Variants in LCORL observed in about 807,000 individuals in gnomAD.
LCORL encodes the protein ligand-dependent nuclear receptor corepressor-like protein.
Under a neutral mutation model 141.8 loss-of-function variants are expected in LCORL, and 41 were observed. The ratio of observed to expected loss-of-function variants is 0.29; its 90% CI spans 0.23 to 0.38. The LOEUF (loss-of-function observed/expected upper bound fraction) is 0.38, where lower values mean the gene tolerates loss of function less well. LCORL is among the 10% of genes least tolerant of loss of function. The pLI is 1.00. For missense variants in LCORL, 1,759 were observed against 2,035.0 expected (o/e 0.86, Z 2.61); for synonymous variants, 618 against 694.1 (o/e 0.89, Z 1.72).
chr4:17,922,237 T>C (rs973087562), intron 4 of LCORL, among the ~76,000 whole-genome samples: 11 of 152,208 alleles, frequency 7.2e-5, no homozygotes, highest in Admixed American at 5.2e-4. Context: ...ATGGAGTTTT[T>C]AAGTTGGTTT....
intron 7 of LCORL, among the ~76,000 whole-genome samples, chr4:17,861,500 T>C (rs991132735): frequency 6.6e-6 from 1 of 152,222 alleles, no homozygotes; most frequent in Non-Finnish European, 1.5e-5. Context: ...CCTAGGCCTC[T>C]GGGCCTGTGA....
intron 1 of LCORL, among the ~76,000 whole-genome samples, chr4:17,996,948 T>C (rs548216145): frequency 2.6e-5 from 4 of 152,262 alleles, no homozygotes; most frequent in Admixed American, 1.3e-4. Context: ...CCTTCCCTGA[T>C]CTAACTCCTG....
In LCORL at chr4:17,877,043, T is replaced by C. The variant is rs191780555; in HGVS notation, c.1947A>G (p.Lys649=). The change falls in exon 7 of 8, where the codon AAA becomes AAG. Residue 649 remains lysine, a synonymous_variant. Transcript: ENST00000635767. ...TGTTTTGTGTCAATTTCCTTGAACT[T>C]TTTTCGGTGTATTTTTTTCTTGTAA... 85 of 1,230,726 alleles carry C rather than the reference T, an allele frequency of 6.9e-5. No individual in the cohort carries two copies. In the East Asian group the frequency reaches 2.4e-3, roughly 34 times the overall value. 76.2% of individuals were successfully genotyped at this position (1,230,726 alleles called of 1,614,324 possible).
chr4:17,975,893 A>T (rs980904914), intron 1 of LCORL, among the ~76,000 whole-genome samples: 5 of 152,076 alleles, frequency 3.3e-5, no homozygotes, highest in African/African-American at 1.2e-4. Flanking sequence ...GCTGATTGAT[A>T]ATGTTCTTTG....
chr4:17,896,450 A>AT (rs1047119305), intron 5 of LCORL, among the ~76,000 whole-genome samples: 9 of 151,848 alleles, frequency 5.9e-5, no homozygotes, highest in Non-Finnish European at 1.2e-4. Context: ...CACCCAGATA[A>AT]TTTTTTTGTA....
Position 17,841,684 on chromosome 4 carries a change from T to C in LCORL, c.*4204A>G, listed in dbSNP as rs1023844939. 5 of 152,080 alleles carry C rather than the reference T, an allele frequency of 3.3e-5. No individual in the cohort carries two copies. The East Asian group carries it at 5.8e-4, about 18-fold the overall frequency. The allele number at this position is 152,080 out of a possible 1,614,324, so 9.4% of individuals were successfully genotyped here. A position where few individuals can be genotyped will look rare whatever the true frequency, so the allele number is the denominator to read the frequency against. On this transcript the variant is annotated 3_prime_UTR_variant, in exon 8 of 8. Transcript: ENST00000635767. The stretch of plus-strand genomic sequence containing the variant: ...TATATTCATATTGTTTTATTCCTTA[T>C]AAATGAGAAACATCACAAGCCAAAC...
chr4:17,925,706 C>A (rs1249772242), intron 4 of LCORL, among the ~76,000 whole-genome samples: 1 of 151,772 alleles, frequency 6.6e-6, no homozygotes, highest in East Asian at 1.9e-4. Flanking sequence ...CCCGTCTCTA[C>A]TAAAAATACA....
chr4:17,986,700 G>A (rs1283076355), intron 1 of LCORL, among the ~76,000 whole-genome samples: 1 of 151,800 alleles, frequency 6.6e-6, no homozygotes, highest in Non-Finnish European at 1.5e-5. Context: ...TCTGTTGATT[G>A]GGTCTTGCTG....
exon 7 of LCORL, chr4:17,876,483 A>G: frequency 8.1e-7 from 1 of 1,230,854 alleles, no homozygotes; most frequent in Non-Finnish European, 1.0e-6. Context: ...ACGCTTCACA[A>G]CCACTTGTAA....
At chr4:17,881,580 G>C in intron 6 of LCORL, 1 of 978,850 alleles carries the variant, frequency 1.0e-6, no homozygotes, top group Non-Finnish European at 1.2e-6. Context: ...GAAGTCAATA[G>C]CAAAATGATC....
chr4:17,899,152 ACT>A (rs1398178804), intron 5 of LCORL, among the ~76,000 whole-genome samples: 3 of 151,610 alleles, frequency 2.0e-5, no homozygotes, highest in African/African-American at 7.3e-5. Flanking sequence ...ATTTTTTGAA[ACT>A]CTTAATAGAT....
intron 1 of LCORL, among the ~76,000 whole-genome samples, chr4:18,006,227 C>T (rs1722789859): frequency 6.6e-6 from 1 of 152,146 alleles, no homozygotes; most frequent in South Asian, 2.1e-4. Context: ...AAAAGAGTCA[C>T]CTTTGCTCCA....
At chr4:17,928,334 C>T (rs556758076) in intron 4 of LCORL, among the ~76,000 whole-genome samples, 1 of 152,142 alleles carries the variant, frequency 6.6e-6, no homozygotes, top group Non-Finnish European at 1.5e-5. Flanking sequence ...ATCACTTTAG[C>T]CCAGGCAGGC....
intron 1 of LCORL, among the ~76,000 whole-genome samples, chr4:18,008,061 T>C (rs1301793616): frequency 6.6e-6 from 1 of 152,224 alleles, no homozygotes; most frequent in Non-Finnish European, 1.5e-5. Context: ...AACAATTAGC[T>C]ATATCCTATT....
At chr4:17,932,171 C>T (rs1396467338) in intron 4 of LCORL, among the ~76,000 whole-genome samples, 1 of 152,078 alleles carries the variant, frequency 6.6e-6, no homozygotes, top group African/African-American at 2.4e-5. Flanking sequence ...TTAGGCATGT[C>T]TTGTCAATAT....
At chr4:17,870,832 C>T (rs1359654563) in intron 7 of LCORL, among the ~76,000 whole-genome samples, 1 of 152,146 alleles carries the variant, frequency 6.6e-6, no homozygotes, top group Non-Finnish European at 1.5e-5. Context: ...TGCCTCCTTT[C>T]CATGTGCACA....
At chr4:18,013,096 T>A (rs1231954014) in intron 1 of LCORL, among the ~76,000 whole-genome samples, 1 of 152,118 alleles carries the variant, frequency 6.6e-6, no homozygotes, top group Non-Finnish European at 1.5e-5. Context: ...AATGTACACT[T>A]CCCTGTTTCA....
chr4:18,021,700 C>T lies in LCORL; in HGVS notation c.52G>A (p.Ala18Thr). 12 of 1,530,120 alleles carry T rather than the reference C, an allele frequency of 7.8e-6. No individual in the cohort carries two copies. Among genetic ancestry groups the T allele is most frequent in the East Asian group, 2.5e-5 (1 of 39,874 alleles). 94.8% of individuals were successfully genotyped at this position (1,530,120 alleles called of 1,614,324 possible). A position where few individuals can be genotyped will look rare whatever the true frequency, so the allele number is the denominator to read the frequency against. The change falls in exon 1 of 8, where the codon GCC becomes ACC. Residue 18 changes from alanine to threonine, a missense_variant. Around this residue, in one of 5 missense-constraint regions of LCORL, gnomAD observed 86 missense variants for 61.8 expected, o/e 1.39. Transcript: ENST00000635767. This position sits in a 1 kb window ranked among gnomAD's most constrained non-coding sequence, Gnocchi z 5.5. ...CTCCGGCACTGAGCGGCGGCGGCGG[C>T]GGCGGCAGCAGCGGCGGCGGCAGCG... is the stretch of plus-strand genomic sequence containing the variant.
intron 1 of LCORL, among the ~76,000 whole-genome samples, chr4:17,980,282 A>G (rs1490294557): frequency 6.6e-6 from 1 of 152,218 alleles, no homozygotes; most frequent in African/African-American, 2.4e-5. Flanking sequence ...TGGCAAATTC[A>G]ATATTTGATA....
Sources: allele counts gnomAD v4.1 joint callset (sites outside exome capture counted in the v4.1 genomes callset), GRCh38; gene constraint gnomAD v4.1.1; regional missense constraint gnomAD v4.1.1; non-coding constraint Gnocchi (gnomAD v3.1); transcripts MANE v1.5; gene names NCBI Gene and HGNC (gene_info 2026-07-23, HGNC 2026-07-21).